The following GPM6A variants were observed in gnomAD, a reference collection of about 807,000 sequenced individuals.
GPM6A encodes the protein neuronal membrane glycoprotein M6-a.
In GPM6A, 7 loss-of-function variants were observed where a neutral mutation model predicts 32.1. The ratio of observed to expected loss-of-function variants is 0.22; its 90% CI spans 0.12 to 0.41. The LOEUF is 0.41. Ranked by LOEUF, GPM6A falls within the 10% of genes least tolerant of loss-of-function variation. The pLI, the probability that GPM6A is intolerant of heterozygous loss-of-function variation, is 1.00. For missense variants in GPM6A, 235 were observed against 347.2 expected (o/e 0.68, Z 2.57); for synonymous variants, 130 against 123.4 (o/e 1.05, Z -0.35).
At chr4:175,939,938 T>A (rs1413792928) in intron 1 of GPM6A, among the ~76,000 whole-genome samples, 1 of 151,986 alleles carries the variant, frequency 6.6e-6, no homozygotes, top group South Asian at 2.1e-4. Context: ...AGACTACATA[T>A]AATATTTCTG....
chr4:175,992,298 T>C (rs1741174963), intron 1 of GPM6A, among the ~76,000 whole-genome samples: 1 of 152,184 alleles, frequency 6.6e-6, no homozygotes, highest in Non-Finnish European at 1.5e-5. Context: ...GTTTCCATTT[T>C]TTTCTTATCC....
intron 2 of GPM6A, among the ~76,000 whole-genome samples, chr4:175,678,294 G>A (rs968272346): frequency 6.6e-6 from 1 of 152,086 alleles, no homozygotes; most frequent in African/African-American, 2.4e-5. Context: ...TTAGCTAAAG[G>A]TCTATTTCTG....
intron 3 of GPM6A, among the ~76,000 whole-genome samples, chr4:175,669,317 G>A (rs1294568720): frequency 6.6e-6 from 1 of 152,130 alleles, no homozygotes; most frequent in Non-Finnish European, 1.5e-5. Flanking sequence ...AGGCTAATAA[G>A]ACAGATGTTT....
intron 2 of GPM6A, among the ~76,000 whole-genome samples, chr4:175,700,586 C>A (rs1207695473): frequency 6.6e-6 from 1 of 152,060 alleles, no homozygotes; most frequent in Non-Finnish European, 1.5e-5. Context: ...AATCTAAAAG[C>A]ATCATATTAG....
chr4:175,718,148 A>C (rs947895179), intron 1 of GPM6A, among the ~76,000 whole-genome samples: 5 of 152,320 alleles, frequency 3.3e-5, no homozygotes, highest in African/African-American at 1.2e-4. Context: ...ATTAGTGTTT[A>C]TATGTATCTT....
chr4:175,736,810 C>A (rs980622608), intron 1 of GPM6A, among the ~76,000 whole-genome samples: 2 of 152,148 alleles, frequency 1.3e-5, no homozygotes, highest in Non-Finnish European at 2.9e-5. Context: ...CAAGAGACAG[C>A]ATATATGACT....
chr4:175,683,988 C>A (rs1000543830), intron 2 of GPM6A, among the ~76,000 whole-genome samples: 2 of 151,966 alleles, frequency 1.3e-5, no homozygotes, highest in Admixed American at 6.6e-5. Flanking sequence ...TGCACCACCA[C>A]ACTAGCTAAT....
At chr4:175,660,074 A>G (rs910705397) in intron 3 of GPM6A, among the ~76,000 whole-genome samples, 2 of 152,120 alleles carry the variant, frequency 1.3e-5, no homozygotes, top group African/African-American at 2.4e-5. Context: ...GATGAGGACA[A>G]GTAAAAGATT....
chr4:175,711,122 T>C (rs1444725782), intron 1 of GPM6A, among the ~76,000 whole-genome samples: 2 of 152,072 alleles, frequency 1.3e-5, no homozygotes, highest in African/African-American at 4.8e-5. Context: ...ATATAAGTAA[T>C]TATATTTTAA....
At chr4:175,980,253 A>C (rs1462787954) in intron 1 of GPM6A, among the ~76,000 whole-genome samples, 6 of 152,132 alleles carry the variant, frequency 3.9e-5, no homozygotes, top group Admixed American at 3.9e-4. Context: ...GCTTCTCCAG[A>C]GGCTGAAGTG....
At chr4:175,719,119 T>A (rs888713627) in intron 1 of GPM6A, among the ~76,000 whole-genome samples, 5 of 152,072 alleles carry the variant, frequency 3.3e-5, no homozygotes, top group African/African-American at 7.2e-5. Flanking sequence ...ATTCCAAATT[T>A]AAAAAAACAT....
intron 1 of GPM6A, among the ~76,000 whole-genome samples, chr4:175,757,556 C>T (rs767549147): frequency 6.6e-6 from 1 of 152,102 alleles, no homozygotes. Flanking sequence ...ATACATAGTT[C>T]CACTAGTGCT....
In GPM6A at chr4:175,944,025, T is replaced by G. The variant is rs533999280; in HGVS notation, c.-23+58284A>C. On this transcript the variant is annotated intron_variant, in intron 1 of 7. Transcript: ENST00000280187. ...TGTCTGGTCCTGGGCTTTTTTTGGT[T>G]GGCAGGCTATTAATTACTGCCTCAA... 1.4e-4 allele frequency among the ~76,000 whole-genome samples: 21 copies of G among 152,280 alleles called. 1 individual carries two copies. In the South Asian group the frequency reaches 4.3e-3, roughly 32 times the overall value.
At chr4:175,962,892 A>G (rs1031766075) in intron 1 of GPM6A, among the ~76,000 whole-genome samples, 14 of 152,212 alleles carry the variant, frequency 9.2e-5, no homozygotes, top group African/African-American at 3.1e-4. Flanking sequence ...ATTTAAAACA[A>G]CTATGATTAA....
rs1373927307 is a variant in GPM6A, at chr4:175,637,138, TATATG to T, written c.685-2086_685-2082del. Among the ~76,000 whole-genome samples, 8 of 104,650 alleles carry T rather than the reference TATATG, an allele frequency of 7.6e-5. No homozygotes were observed. In the Admixed American group the frequency reaches 1.0e-3, roughly 13 times the overall value. 68.7% of individuals were successfully genotyped at this position (104,650 alleles called of 152,430 possible). ...GTGATATATAATATATAATATATTA[TATATG>T]ATATATTATATGTCACATATAATAT... is the stretch of plus-strand genomic sequence containing the variant. On this transcript the variant is annotated intron_variant, in intron 6 of 6. Coordinates refer to ENST00000393658, the MANE Select transcript of GPM6A (RefSeq NM_201591.3).
chr4:175,995,378 A>G (rs931311778), intron 1 of GPM6A, among the ~76,000 whole-genome samples: 1 of 76,162 alleles, frequency 1.3e-5, no homozygotes, highest in Non-Finnish European at 2.8e-5. Flanking sequence ...TCAATTTGTA[A>G]AAAAAAAAAA....
chr4:175,683,833 T>C (rs1404663855), intron 2 of GPM6A, among the ~76,000 whole-genome samples: 6 of 151,652 alleles, frequency 4.0e-5, no homozygotes, highest in Non-Finnish European at 7.4e-5. Flanking sequence ...TATATACATA[T>C]ACTTTTTTTT....
chr4:175,765,412 TTGTA>T (rs1322120179), intron 1 of GPM6A, among the ~76,000 whole-genome samples: 1 of 152,162 alleles, frequency 6.6e-6, no homozygotes, highest in African/African-American at 2.4e-5. Context: ...TATATTGTAG[TTGTA>T]TGTATTTTGT....
At chr4:175,909,849 C>T (rs191300768) in intron 1 of GPM6A, among the ~76,000 whole-genome samples, 66 of 152,166 alleles carry the variant, frequency 4.3e-4, no homozygotes, top group African/African-American at 1.6e-3. Flanking sequence ...AGTGTATTTA[C>T]AGTACAGTGA....
Sources: allele counts gnomAD v4.1 joint callset (sites outside exome capture counted in the v4.1 genomes callset), GRCh38; gene constraint gnomAD v4.1.1; transcripts MANE v1.5; gene names NCBI Gene and HGNC (gene_info 2026-07-23, HGNC 2026-07-21).